Variants in EYS observed in about 807,000 individuals in gnomAD.
The protein encoded by EYS is protein eyes shut homolog.
Under a neutral mutation model 282.1 loss-of-function variants are expected in EYS, and 250 were observed. The observed-to-expected ratio is 0.89, with a 90% CI of 0.80 to 0.98. EYS has a LOEUF of 0.98. EYS is among the 50% of genes least tolerant of loss of function. The pLI is 0.00. For synonymous variants in EYS, 1,355 were observed against 1,282.9 expected (o/e 1.06, Z -1.20); for missense variants, 4,016 against 3,709.0 (o/e 1.08, Z -2.15).
chr6:64,055,520 C>A (rs565950705), intron 33 of EYS, among the ~76,000 whole-genome samples: 1 of 152,106 alleles, frequency 6.6e-6, no homozygotes, highest in Non-Finnish European at 1.5e-5. Flanking sequence ...CTGCCTTTTA[C>A]GTGTCCTGTG....
intron 13 of EYS, among the ~76,000 whole-genome samples, chr6:65,009,970 A>T (rs527254429): frequency 7.4e-4 from 113 of 152,308 alleles, no homozygotes; most frequent in Non-Finnish European, 1.3e-3. Context: ...TAGCCAGACC[A>T]TTATATACAC....
chr6:64,193,060 C>T (rs904906315), intron 31 of EYS, among the ~76,000 whole-genome samples: 1 of 152,128 alleles, frequency 6.6e-6, no homozygotes, highest in Non-Finnish European at 1.5e-5. Context: ...AACAAAAATC[C>T]TCTCACCTTG....
intron 12 of EYS, among the ~76,000 whole-genome samples, chr6:65,245,991 T>C (rs1174617552): frequency 6.6e-6 from 1 of 152,118 alleles, no homozygotes; most frequent in African/African-American, 2.4e-5. Flanking sequence ...CTTGTTGTCT[T>C]TCTATTTTCC....
intron 22 of EYS, among the ~76,000 whole-genome samples, chr6:64,707,714 T>C (rs1057277162): frequency 6.7e-6 from 1 of 149,578 alleles, no homozygotes. Flanking sequence ...GTACACTGCT[T>C]GGGTGATGGA....
intron 19 of EYS, among the ~76,000 whole-genome samples, chr6:64,882,190 C>T (rs996658090): frequency 5.3e-5 from 8 of 151,698 alleles, no homozygotes; most frequent in East Asian, 1.9e-4. Flanking sequence ...TTCTCCATTG[C>T]GTCCAGATTA....
At chr6:64,419,879 G>T (rs1162683096) in intron 28 of EYS, among the ~76,000 whole-genome samples, 2 of 152,176 alleles carry the variant, frequency 1.3e-5, no homozygotes, top group African/African-American at 2.4e-5. Context: ...TACCATTCTG[G>T]GGTCTGGAGA....
chr6:63,812,084 A>T (rs1250155516), intron 36 of EYS, among the ~76,000 whole-genome samples: 1 of 152,180 alleles, frequency 6.6e-6, no homozygotes, highest in African/African-American at 2.4e-5. Context: ...ATATAAATTG[A>T]GTGTCAAAGT....
chr6:64,681,595 C>T (rs985987128), intron 22 of EYS, among the ~76,000 whole-genome samples: 2 of 152,122 alleles, frequency 1.3e-5, no homozygotes, highest in African/African-American at 4.8e-5. Context: ...CACCTGGCCT[C>T]GCTAAAAGTG....
At position 65,339,343 on chromosome 6, in the gene EYS, A is replaced by C. The variant is rs184638576; in HGVS notation, c.1600-4197T>G. ...TAAAAAATGACAGCAGTCCTCCCTT[A>C]TTGTTGGTTTCGCTTTCCATGATTT... On this transcript the variant is annotated intron_variant, in intron 10 of 42. Coordinates refer to ENST00000503581, the MANE Select transcript of EYS (RefSeq NM_001142800.2). 2.6e-5 allele frequency among the ~76,000 whole-genome samples: 4 copies of C among 151,240 alleles called. No individual in the cohort carries two copies. The East Asian group carries it at 7.8e-4, about 30-fold the overall frequency.
intron 26 of EYS, among the ~76,000 whole-genome samples, chr6:64,569,360 T>C (rs1050036441): frequency 6.6e-6 from 1 of 151,392 alleles, no homozygotes; most frequent in Non-Finnish European, 1.5e-5. Context: ...CAAGTACCAA[T>C]AGCTGAATCA....
chr6:64,929,664 A>G (rs983402318), intron 15 of EYS, among the ~76,000 whole-genome samples: 3 of 152,194 alleles, frequency 2.0e-5, no homozygotes, highest in Admixed American at 6.6e-5. Flanking sequence ...TTTTGATAAA[A>G]TTTGAACTAC....
intron 22 of EYS, among the ~76,000 whole-genome samples, chr6:64,777,791 T>G (rs1302465183): frequency 1.3e-5 from 2 of 152,142 alleles, no homozygotes; most frequent in Non-Finnish European, 2.9e-5. Context: ...AACAACACAC[T>G]ATTTTAATCT....
intron 28 of EYS, among the ~76,000 whole-genome samples, chr6:64,402,740 C>A (rs113113211): frequency 4.5e-4 from 69 of 152,252 alleles, no homozygotes; most frequent in African/African-American, 1.5e-3. Context: ...TGTTCTCTGG[C>A]AAATTCTAAA....
chr6:64,117,224 A>T (rs956641469), intron 31 of EYS, among the ~76,000 whole-genome samples: 5 of 152,022 alleles, frequency 3.3e-5, no homozygotes, highest in African/African-American at 1.2e-4. Flanking sequence ...CAGTGTTATA[A>T]AACTGGAAAT....
chr6:64,778,364 T>G (rs1773742941), intron 22 of EYS, among the ~76,000 whole-genome samples: 1 of 152,324 alleles, frequency 6.6e-6, no homozygotes, highest in Admixed American at 6.5e-5. Context: ...CTGCAAAATC[T>G]TAGGCTCCAA....
chr6:64,147,295 C>T (rs1190757322), intron 31 of EYS, among the ~76,000 whole-genome samples: 1 of 152,094 alleles, frequency 6.6e-6, no homozygotes, highest in Non-Finnish European at 1.5e-5. Context: ...ATTGAACACC[C>T]TGTTTTAGAA....
At chr6:64,993,668 T>C (rs1771152207) in intron 14 of EYS, among the ~76,000 whole-genome samples, 3 of 150,934 alleles carry the variant, frequency 2.0e-5, no homozygotes, top group African/African-American at 7.3e-5. Context: ...ATGGCACATG[T>C]ATACATATGT....
intron 29 of EYS, among the ~76,000 whole-genome samples, chr6:64,321,912 G>A (rs559419304): frequency 2.0e-5 from 3 of 151,946 alleles, no homozygotes; most frequent in East Asian, 3.9e-4. Context: ...ACAAAATTTG[G>A]TGATACTTAA....
At chr6:64,175,834 A>G (rs1363385783) in intron 31 of EYS, among the ~76,000 whole-genome samples, 2 of 152,094 alleles carry the variant, frequency 1.3e-5, no homozygotes, top group Non-Finnish European at 2.9e-5. Flanking sequence ...AACTAAGAGG[A>G]CCTAAAATGG....
Sources: allele counts gnomAD v4.1 joint callset (sites outside exome capture counted in the v4.1 genomes callset), GRCh38; gene constraint gnomAD v4.1.1; transcripts MANE v1.5; gene names NCBI Gene and HGNC (gene_info 2026-07-23, HGNC 2026-07-21).